Variants in EXOC4 observed in about 807,000 individuals in gnomAD.
The protein encoded by EXOC4 is SEC8-like 1.
EXOC4 carries 71 observed loss-of-function variants against 107.2 expected under a neutral mutation model. The observed-to-expected ratio is 0.66, with a 90% CI of 0.55 to 0.81. EXOC4 has a LOEUF of 0.81. Among genes scored for constraint, EXOC4 ranks in the 30% least tolerant of loss-of-function variants. The pLI is 0.00. For synonymous variants in EXOC4, 456 were observed against 441.2 expected, an observed-to-expected ratio of 1.03 and a Z score of -0.42; for missense variants, 1,108 against 1,189.6, an observed-to-expected ratio of 0.93 and a Z score of 1.01.
intron 17 of EXOC4, among the ~76,000 whole-genome samples, chr7:134,050,834 T>C (rs1795768106): frequency 6.6e-6 from 1 of 151,960 alleles, no homozygotes; most frequent in African/African-American, 2.4e-5. Context: ...TTTTTTTTTA[T>C]TATTATTAAA....
At chr7:133,879,897 C>A (rs1252259349) in intron 11 of EXOC4, among the ~76,000 whole-genome samples, 1 of 152,160 alleles carries the variant, frequency 6.6e-6, no homozygotes, top group Non-Finnish European at 1.5e-5. Flanking sequence ...TGCAGAAAAC[C>A]CTCAGCCTGT....
chr7:134,016,265 G>A (rs1359078305), intron 17 of EXOC4, among the ~76,000 whole-genome samples: 1 of 152,134 alleles, frequency 6.6e-6, no homozygotes. Context: ...CAGATATGGG[G>A]AATCATCAGC....
chr7:133,855,964 C>T (rs1038358517), intron 11 of EXOC4, among the ~76,000 whole-genome samples: 1 of 152,214 alleles, frequency 6.6e-6, no homozygotes, highest in Non-Finnish European at 1.5e-5. Flanking sequence ...CATCCTGAGC[C>T]TTGATTTTCT....
intron 10 of EXOC4, among the ~76,000 whole-genome samples, chr7:133,778,427 A>T (rs1796390985): frequency 6.6e-6 from 1 of 152,186 alleles, no homozygotes; most frequent in Non-Finnish European, 1.5e-5. Context: ...CTCTCTACAG[A>T]TAATAAAAAA....
At chr7:133,795,357 G>A (rs1168579813) in intron 10 of EXOC4, among the ~76,000 whole-genome samples, 1 of 152,148 alleles carries the variant, frequency 6.6e-6, no homozygotes, top group African/African-American at 2.4e-5. Context: ...ATTAGTCTTT[G>A]TGGCCTTTGG....
In EXOC4 at chr7:133,369,165, A is replaced by G. The variant is rs558084507; in HGVS notation, c.1008-5663A>G. Among the ~76,000 whole-genome samples, 6 of 152,310 alleles carry G rather than the reference A, an allele frequency of 3.9e-5. No homozygotes were observed. In the East Asian group the frequency reaches 1.2e-3, roughly 29 times the overall value. ...GAGAGTGTATATAAATATTAACAAC[A>G]TATTTCAGTTTATTTCTGGTAGCTT... On this transcript the variant is annotated intron_variant, in intron 6 of 17. Transcript: ENST00000253861.
At chr7:133,819,390 C>T (rs775296696) in intron 11 of EXOC4, among the ~76,000 whole-genome samples, 3 of 149,464 alleles carry the variant, frequency 2.0e-5, no homozygotes, top group Non-Finnish European at 1.5e-5. Flanking sequence ...ATTAATTTTG[C>T]TAACTTGTAT....
intron 9 of EXOC4, among the ~76,000 whole-genome samples, chr7:133,492,322 G>A (rs1799387237): frequency 6.6e-6 from 1 of 152,138 alleles, no homozygotes. Context: ...GTATTTTGGT[G>A]TCTTGGGTAG....
intron 9 of EXOC4, among the ~76,000 whole-genome samples, chr7:133,628,054 A>T (rs1443396249): frequency 6.7e-6 from 1 of 149,028 alleles, no homozygotes. Flanking sequence ...CATACAAAGA[A>T]CTATACTCAG....
At chr7:133,760,595 A>G (rs1469721727) in intron 10 of EXOC4, among the ~76,000 whole-genome samples, 1 of 152,006 alleles carries the variant, frequency 6.6e-6, no homozygotes, top group Non-Finnish European at 1.5e-5. Context: ...TCTGATGACC[A>G]CTTCCTTTCT....
intron 13 of EXOC4, among the ~76,000 whole-genome samples, chr7:133,920,509 A>T (rs1265057754): frequency 2.0e-5 from 3 of 152,098 alleles, no homozygotes; most frequent in Non-Finnish European, 4.4e-5. Flanking sequence ...ATACATTTAT[A>T]ACTAATCCAA....
intron 7 of EXOC4, among the ~76,000 whole-genome samples, chr7:133,382,803 C>G (rs1796646181): frequency 6.6e-6 from 1 of 152,096 alleles, no homozygotes; most frequent in African/African-American, 2.4e-5. Context: ...ACTTTTTGAT[C>G]TTTTAATGAC....
At chr7:133,424,689 A>G (rs1367300171) in intron 7 of EXOC4, among the ~76,000 whole-genome samples, 1 of 152,210 alleles carries the variant, frequency 6.6e-6, no homozygotes, top group East Asian at 1.9e-4. Flanking sequence ...CATTATTTTT[A>G]TTGTCAGAAT....
intron 9 of EXOC4, among the ~76,000 whole-genome samples, chr7:133,519,134 G>T (rs574455996): frequency 6.6e-6 from 1 of 152,264 alleles, no homozygotes; most frequent in South Asian, 2.1e-4. Flanking sequence ...ATTAATTTAG[G>T]TTGGGTGTGA....
chr7:133,984,448 A>T (rs1465781677), intron 14 of EXOC4, among the ~76,000 whole-genome samples: 2 of 152,266 alleles, frequency 1.3e-5, no homozygotes, highest in Admixed American at 1.3e-4. Flanking sequence ...CTGAAACAGA[A>T]TAATGTTCCA....
At chr7:133,311,832 T>C (rs957449594) in intron 4 of EXOC4, among the ~76,000 whole-genome samples, 3 of 152,146 alleles carry the variant, frequency 2.0e-5, no homozygotes, top group East Asian at 1.9e-4. Flanking sequence ...AAATGGCTAA[T>C]AAATATAAGA....
chr7:133,514,439 G>A (rs1304851083), intron 9 of EXOC4, among the ~76,000 whole-genome samples: 1 of 152,160 alleles, frequency 6.6e-6, no homozygotes, highest in East Asian at 1.9e-4. Context: ...TGGGATTACA[G>A]GCGTGAGCCA....
chr7:133,456,410 C>G (rs1489449385), intron 7 of EXOC4, among the ~76,000 whole-genome samples: 2 of 152,092 alleles, frequency 1.3e-5, no homozygotes, highest in East Asian at 3.9e-4. Flanking sequence ...AACTTTGTTG[C>G]CTTTATGGAG....
In EXOC4 at chr7:133,950,572, T is replaced by C. The variant is rs186459714; in HGVS notation, c.2206+12503T>C. 1.1e-4 allele frequency among the ~76,000 whole-genome samples: 17 copies of C among 152,362 alleles called. No homozygotes were observed. In the East Asian group the frequency reaches 2.5e-3, roughly 22 times the overall value. On this transcript the variant is annotated intron_variant, in intron 14 of 17. Transcript: ENST00000253861. Reference sequence around the variant, plus strand: ...GTCTCTCCCAATTTTCAGGGAAGTATAGAACTTCGTTCAAGAAGTTTGATG... The same window carrying C: ...GTCTCTCCCAATTTTCAGGGAAGTACAGAACTTCGTTCAAGAAGTTTGATG...
Sources: gnomAD v4.1 joint callset for allele counts (sites outside exome capture counted in the v4.1 genomes callset) on GRCh38, gnomAD v4.1.1 for gene constraint, MANE v1.5 for transcripts, NCBI Gene and HGNC (gene_info 2026-07-23, HGNC 2026-07-21) for gene names.